The following PDE7A variants were observed in gnomAD, a reference collection of about 807,000 sequenced individuals.
PDE7A encodes high affinity 3',5'-cyclic-AMP phosphodiesterase 7A.
A neutral mutation model predicts 64.3 loss-of-function variants in PDE7A; 39 were observed. The ratio of observed to expected loss-of-function variants is 0.61; its 90% CI spans 0.47 to 0.79. PDE7A has a LOEUF of 0.79. Among genes scored for constraint, PDE7A ranks in the 30% least tolerant of loss-of-function variants. PDE7A has a pLI of 0.00. For missense variants in PDE7A, 470 were observed against 582.8 expected, an observed-to-expected ratio of 0.81 and a Z score of 1.99; for synonymous variants, 203 against 206.8, an observed-to-expected ratio of 0.98 and a Z score of 0.16.
chr8:65,741,296 G>C (rs1807421258), intron 5 of PDE7A, among the ~76,000 whole-genome samples: 1 of 152,062 alleles, frequency 6.6e-6, no homozygotes, highest in South Asian at 2.1e-4. Flanking sequence ...CACGATTCTA[G>C]TATTCTCTCG....
intron 3 of PDE7A, among the ~76,000 whole-genome samples, chr8:65,765,034 TCTA>T (rs1223585915): frequency 1.3e-5 from 2 of 152,126 alleles, no homozygotes; most frequent in African/African-American, 4.8e-5. Context: ...ATACTCAGTC[TCTA>T]CTATGAGCCA....
chr8:65,797,481 G>C (rs55738339), intron 1 of PDE7A, among the ~76,000 whole-genome samples: 2 of 138,432 alleles, frequency 1.4e-5, no homozygotes, highest in Admixed American at 6.9e-5. Flanking sequence ...AACTGCCTCC[G>C]GGGGGCAAGG....
At chr8:65,793,951 CT>C (rs1226130788) in intron 1 of PDE7A, among the ~76,000 whole-genome samples, 3 of 152,226 alleles carry the variant, frequency 2.0e-5, no homozygotes, top group African/African-American at 7.2e-5. Context: ...AAACTAGCCT[CT>C]GTTCAGGGGC....
rs938760994 is a variant in PDE7A at position 65,838,553 on chromosome 8, G to C, written c.138+2818C>G. The stretch of plus-strand genomic sequence containing the variant: ...ACTCAAGCTTGTCCATTTCAGTTCA[G>C]CATCAATACTTAAAACTCTTTGGCA... On this transcript the variant is annotated intron_variant, in intron 1 of 12. Transcript: ENST00000401827. 6 of 152,240 alleles carry C rather than the reference G, an allele frequency of 3.9e-5. No homozygotes were observed. The East Asian group carries it at 1.2e-3, about 29-fold the overall frequency. The allele number at this position is 152,240 out of a possible 1,614,324, so 9.4% of individuals were successfully genotyped here. A position where few individuals can be genotyped will look rare whatever the true frequency, so the allele number is the denominator to read the frequency against.
rs144358438 is a variant in PDE7A at position 65,715,069 on chromosome 8, A to G, written c.*4221T>C. 2.8e-3 allele frequency among the ~76,000 whole-genome samples: 419 copies of G among 152,286 alleles called. 1 individual carries two copies. The highest frequency in any genetic ancestry group is 9.7e-3 in the African/African-American group (402 of 41,552). On this transcript the variant is annotated 3_prime_UTR_variant, in exon 13 of 13. Transcript: ENST00000401827. ...CCTCAGCCCCTGAAATGTTGAGCCAAGAGGCCCAAAGGGTGGCCATGTGTG... is the reference window on the plus strand; with the variant it reads ...CCTCAGCCCCTGAAATGTTGAGCCAGGAGGCCCAAAGGGTGGCCATGTGTG...
chr8:65,734,476 A>G (rs1325862882), intron 7 of PDE7A, among the ~76,000 whole-genome samples: 1 of 152,178 alleles, frequency 6.6e-6, no homozygotes, highest in Non-Finnish European at 1.5e-5. Context: ...CTCCTCATTC[A>G]TTCACTGAGT....
chr8:65,780,323 C>T (rs1224436699), intron 2 of PDE7A, among the ~76,000 whole-genome samples: 2 of 152,108 alleles, frequency 1.3e-5, no homozygotes, highest in Non-Finnish European at 1.5e-5. Flanking sequence ...AAGCAGTTTA[C>T]AATTTCATAG....
In PDE7A at chr8:65,714,593, T is replaced by G. The variant is rs1001276908; in HGVS notation, c.*4697A>C. The G allele has an allele frequency of 2.0e-5, 3 of 152,340 alleles. No individual in the cohort carries two copies. Among genetic ancestry groups the G allele is most frequent in the Middle Eastern group, 3.4e-3 (1 of 294 alleles). 9.4% of individuals were successfully genotyped at this position (152,340 alleles called of 1,614,324 possible). The stretch of plus-strand genomic sequence containing the variant: ...AAATGTATGCAGATGCTACAGTGAT[T>G]AATATGCACATTTCTTTGAAAGCAA... On this transcript the variant is annotated 3_prime_UTR_variant, in exon 13 of 13. Coordinates refer to ENST00000401827, the MANE Select transcript of PDE7A (RefSeq NM_001242318.3).
intron 1 of PDE7A, among the ~76,000 whole-genome samples, chr8:65,825,957 G>T (rs755793634): frequency 1.3e-5 from 2 of 152,124 alleles, no homozygotes; most frequent in East Asian, 3.9e-4. Context: ...GGATAGATGG[G>T]GGATGGGTGC....
At chr8:65,735,113 G>T (rs1046196709) in intron 6 of PDE7A, among the ~76,000 whole-genome samples, 1 of 152,070 alleles carries the variant, frequency 6.6e-6, no homozygotes, top group South Asian at 2.1e-4. Context: ...AACAGACTAG[G>T]CTTCGGGGTG....
intron 1 of PDE7A, among the ~76,000 whole-genome samples, chr8:65,790,736 G>C (rs1809677571): frequency 6.6e-6 from 1 of 152,134 alleles, no homozygotes; most frequent in African/African-American, 2.4e-5. Context: ...ACTCATCTTT[G>C]CATAAATCCA....
intron 3 of PDE7A, among the ~76,000 whole-genome samples, chr8:65,748,958 T>G (rs1348755013): frequency 1.3e-5 from 2 of 152,206 alleles, no homozygotes; most frequent in Non-Finnish European, 2.9e-5. Context: ...TAAAAGCATT[T>G]CATGGCTCTT....
chr8:65,724,457 G>C (rs1019142499), intron 10 of PDE7A, 106 bp from the exon 11 acceptor site: 17 of 666,818 alleles, frequency 2.5e-5, no homozygotes, highest in Non-Finnish European at 4.2e-5. Context: ...AAATAAATAA[G>C]CCAGAAATAT....
At chr8:65,778,488 C>T (rs1212463539) in intron 3 of PDE7A, among the ~76,000 whole-genome samples, 1 of 152,152 alleles carries the variant, frequency 6.6e-6, no homozygotes, top group African/African-American at 2.4e-5. Flanking sequence ...CCATTCCAAT[C>T]AAAGACCAAG....
chr8:65,827,640 C>T (rs1444917197), intron 1 of PDE7A, among the ~76,000 whole-genome samples: 2 of 152,120 alleles, frequency 1.3e-5, no homozygotes, highest in Non-Finnish European at 2.9e-5. Flanking sequence ...GGACCCATAA[C>T]ATTATAACAC....
intron 1 of PDE7A, chr8:65,838,361 C>T (rs1022171099): frequency 2.6e-5 from 4 of 152,290 alleles, no homozygotes; most frequent in African/African-American, 9.6e-5. Context: ...TATCCAAAAA[C>T]GACAAAGAAC....
chr8:65,768,616 A>G (rs1407178953), intron 3 of PDE7A, among the ~76,000 whole-genome samples: 2 of 152,216 alleles, frequency 1.3e-5, no homozygotes, highest in Admixed American at 1.3e-4. Context: ...GTAAAAACAG[A>G]CTAATACAAA....
intron 1 of PDE7A, among the ~76,000 whole-genome samples, chr8:65,822,208 C>T (rs531793610): frequency 3.4e-4 from 51 of 152,192 alleles, no homozygotes; most frequent in Middle Eastern, 3.4e-3. Context: ...TGGAAACCTG[C>T]CCCCTCATTC....
intron 1 of PDE7A, among the ~76,000 whole-genome samples, chr8:65,833,750 G>A (rs1810886028): frequency 6.6e-6 from 1 of 152,118 alleles, no homozygotes; most frequent in Non-Finnish European, 1.5e-5. Context: ...GATCACTTGA[G>A]TCCTGGAGTT....
Sources: allele counts gnomAD v4.1 joint callset (sites outside exome capture counted in the v4.1 genomes callset), GRCh38; gene constraint gnomAD v4.1.1; transcripts MANE v1.5; gene names NCBI Gene and HGNC (gene_info 2026-07-23, HGNC 2026-07-21).